CMTM6: variants seen among roughly 807,000 people sequenced by gnomAD.
The protein encoded by CMTM6 is CKLF-like MARVEL transmembrane domain-containing protein 6.
In CMTM6, 5 loss-of-function variants were observed where a neutral mutation model predicts 13.6. That is an observed-to-expected ratio of 0.37 (90% CI 0.19 to 0.77). CMTM6 has a LOEUF of 0.77. Ranked by LOEUF, CMTM6 falls within the 30% of genes least tolerant of loss-of-function variation. CMTM6 has a pLI of 0.50. For synonymous variants in CMTM6, 99 were observed against 84.5 expected, an observed-to-expected ratio of 1.17 and a Z score of -0.94; for missense variants, 196 against 218.6, an observed-to-expected ratio of 0.90 and a Z score of 0.65.
chr3:32,499,836 TC>T (rs67510214), intron 1 of CMTM6, among the ~76,000 whole-genome samples: 21,958 of 150,916 alleles, frequency 0.15, 2,421 homozygotes, highest in African/African-American at 0.31. Context: ...CAGGCTCCAC[TC>T]TCTATCCCTT....
chr3:32,497,935 T>A (rs1369038522), intron 1 of CMTM6, among the ~76,000 whole-genome samples: 1 of 150,322 alleles, frequency 6.7e-6, no homozygotes, highest in Non-Finnish European at 1.5e-5. Context: ...AATGCCAAAG[T>A]GGTCAAAAAT....
intron 1 of CMTM6, among the ~76,000 whole-genome samples, chr3:32,493,921 T>A (rs948285846): frequency 3.1e-4 from 47 of 152,168 alleles, no homozygotes; most frequent in African/African-American, 1.1e-3. Flanking sequence ...ATACTGTATA[T>A]TGGGAAGTAA....
chr3:32,498,123 A>T (rs774949161), intron 1 of CMTM6, among the ~76,000 whole-genome samples: 2 of 152,234 alleles, frequency 1.3e-5, no homozygotes, highest in Non-Finnish European at 2.9e-5. Flanking sequence ...CTGTATACCC[A>T]ATGTAACTCC....
At chr3:32,499,688 C>T (rs1411905584) in intron 1 of CMTM6, among the ~76,000 whole-genome samples, 2 of 152,116 alleles carry the variant, frequency 1.3e-5, no homozygotes, top group Non-Finnish European at 2.9e-5. Context: ...TCTTCTTAAG[C>T]TCTGGAAGGG....
intron 2 of CMTM6, 24 bp downstream of exon 2, chr3:32,491,686 G>A (rs761171458): frequency 2.6e-6 from 4 of 1,564,680 alleles, no homozygotes; most frequent in Non-Finnish European, 3.5e-6. Flanking sequence ...TATTAATACA[G>A]GGATGATATT....
At chr3:32,487,629 T>C (rs2125656183) in intron 3 of CMTM6, 1 of 197,616 alleles carries the variant, frequency 5.1e-6, no homozygotes, top group Non-Finnish European at 1.0e-5. Flanking sequence ...CATGTAGGTG[T>C]GCATTTATTG....
In CMTM6 at chr3:32,483,483, TA is replaced by T. The variant is rs1335767352; in HGVS notation, c.*476del. On this transcript the variant is annotated 3_prime_UTR_variant, in exon 4 of 4. Coordinates refer to ENST00000205636, the MANE Select transcript of CMTM6 (RefSeq NM_017801.3). Reference sequence around the variant, plus strand: ...ACCAACATTTTAAATATTGGTTTCTTAAATATGTTAAATTCCCATTAACAGA... The same window carrying T: ...ACCAACATTTTAAATATTGGTTTCTTAATATGTTAAATTCCCATTAACAGA... 1 of 152,256 alleles carries T rather than the reference TA, an allele frequency of 6.6e-6. No individual in the cohort carries two copies. The allele number at this position is 152,256 out of a possible 1,614,324, so 9.4% of individuals were successfully genotyped here.
intron 1 of CMTM6, among the ~76,000 whole-genome samples, chr3:32,500,503 T>C (rs1285898671): frequency 6.6e-6 from 1 of 152,238 alleles, no homozygotes; most frequent in African/African-American, 2.4e-5. Flanking sequence ...AAAGCATTCC[T>C]GTAACATGAC....
chr3:32,492,713 A>G (rs536825461), intron 1 of CMTM6, among the ~76,000 whole-genome samples: 2 of 152,210 alleles, frequency 1.3e-5, no homozygotes, highest in Non-Finnish European at 2.9e-5. Context: ...ACAAGATGCA[A>G]AAGCTCATAT....
At chr3:32,487,682 C>G (rs949122631) in intron 3 of CMTM6, 1 of 292,422 alleles carries the variant, frequency 3.4e-6, no homozygotes, top group Non-Finnish European at 6.3e-6. Flanking sequence ...TCAATTTTAC[C>G]ACTTCCATTA....
chr3:32,497,340 G>C (rs1262571315), intron 1 of CMTM6, among the ~76,000 whole-genome samples: 1 of 141,606 alleles, frequency 7.1e-6, no homozygotes, highest in Non-Finnish European at 1.5e-5. Context: ...AGCCGAGATC[G>C]CACCACTGCA....
intron 1 of CMTM6, among the ~76,000 whole-genome samples, chr3:32,496,739 C>A (rs1697295470): frequency 6.6e-6 from 1 of 151,988 alleles, no homozygotes; most frequent in African/African-American, 2.4e-5. Flanking sequence ...CAAACAGAAC[C>A]TGGATAGACA....
intron 1 of CMTM6, among the ~76,000 whole-genome samples, chr3:32,499,043 A>G (rs1697323542): frequency 6.6e-6 from 1 of 152,226 alleles, no homozygotes; most frequent in Admixed American, 6.5e-5. Context: ...GATATGAATT[A>G]TAAATTAATG....
chr3:32,487,821 A>G lies in CMTM6; in HGVS notation c.414+117T>C, dbSNP rs1697218450. The stretch of plus-strand genomic sequence containing the variant: ...AGGTCTTCTATTCAAAATTACACTA[A>G]AAAGTAAGTTATAAGAAAAACAACT... On this transcript the variant is annotated intron_variant, in intron 3 of 3. Coordinates refer to ENST00000205636, the MANE Select transcript of CMTM6 (RefSeq NM_017801.3). 2.1e-5 allele frequency: 13 copies of G among 627,180 alleles called. No individual in the cohort carries two copies. In the South Asian group the frequency reaches 3.4e-4, roughly 17 times the overall value. 38.9% of individuals were successfully genotyped at this position (627,180 alleles called of 1,614,324 possible). A position where few individuals can be genotyped will look rare whatever the true frequency, so the allele number is the denominator to read the frequency against.
intron 2 of CMTM6, among the ~76,000 whole-genome samples, chr3:32,488,949 GA>G (rs1697227748): frequency 6.6e-6 from 1 of 152,106 alleles, no homozygotes; most frequent in Non-Finnish European, 1.5e-5. Flanking sequence ...TGAGTTTTCT[GA>G]ACTGCAAACT....
chr3:32,499,904 A>G (rs944805905), intron 1 of CMTM6, among the ~76,000 whole-genome samples: 69 of 152,156 alleles, frequency 4.5e-4, no homozygotes, highest in Non-Finnish European at 7.5e-4. Context: ...AGGTTTGAAA[A>G]AAAAAAAAAA....
rs1170660999 is a variant in CMTM6 at position 32,487,129 on chromosome 3, G to A, written c.414+809C>T. On this transcript the variant is annotated intron_variant, in intron 3 of 3. Coordinates refer to ENST00000205636, the MANE Select transcript of CMTM6 (RefSeq NM_017801.3). ...TTCTTTTTGAGGGGCAAGGTAGGTG[G>A]CGACTGTGAATGGGAAGGTGGAAAA... is the stretch of plus-strand genomic sequence containing the variant. 2.0e-5 allele frequency among the ~76,000 whole-genome samples: 3 copies of A among 152,270 alleles called. No individual in the cohort carries two copies. In the East Asian group the frequency reaches 5.8e-4, roughly 29 times the overall value.
intron 1 of CMTM6, among the ~76,000 whole-genome samples, chr3:32,494,971 T>C (rs1320183629): frequency 1.3e-5 from 2 of 151,988 alleles, no homozygotes; most frequent in Non-Finnish European, 1.5e-5. Flanking sequence ...TTACATAGAA[T>C]TACACACACA....
In CMTM6 at chr3:32,483,750, A is replaced by AATT. The variant is rs1212251339; in HGVS notation, c.*207_*209dup. On this transcript the variant is annotated 3_prime_UTR_variant, in exon 4 of 4. Transcript: ENST00000205636. ...AAAATCTCCATTTGAGATAAGTTTC[A>AATT]ATTATTATTTAAAAAAAAATTTTTT... 2.8e-6 allele frequency: 1 copy of AATT among 351,068 alleles called. No homozygotes were observed. The highest frequency in any genetic ancestry group is 5.0e-6 in the Non-Finnish European group (1 of 198,892). The allele number at this position is 351,068 out of a possible 1,614,324, so 21.7% of individuals were successfully genotyped here.
Sources: allele counts gnomAD v4.1 joint callset (sites outside exome capture counted in the v4.1 genomes callset), GRCh38; gene constraint gnomAD v4.1.1; transcripts MANE v1.5; gene names NCBI Gene and HGNC (gene_info 2026-07-23, HGNC 2026-07-21).